Variants in GARIN2 observed in about 807,000 individuals in gnomAD.
The protein encoded by GARIN2 is Golgi-associated RAB2 interactor protein 2.
At chr14:67,193,048 AGATAT>A in the GARIN2 span, among the ~76,000 whole-genome samples, 1 of 145,502 alleles carries the variant, frequency 6.9e-6, no homozygotes, top group South Asian at 2.2e-4. Context: ...ATCTAGATAT[AGATAT>A]ATCTCTATAT....
chr14:67,225,171 C>T, the GARIN2 span: 1 of 1,581,244 alleles, frequency 6.3e-7, no homozygotes, highest in Non-Finnish European at 8.6e-7. Context: ...TGTGCCTCAT[C>T]TGTCTGCCCC....
the GARIN2 span, among the ~76,000 whole-genome samples, chr14:67,225,626 T>C: frequency 1.3e-5 from 2 of 152,144 alleles, no homozygotes; most frequent in Admixed American, 1.3e-4. Flanking sequence ...TTTTTTTTCA[T>C]AGCAAAATGA....
chr14:67,222,999 C>A, the GARIN2 span, among the ~76,000 whole-genome samples: 1 of 124,784 alleles, frequency 8.0e-6, no homozygotes, highest in East Asian at 2.3e-4. Context: ...TCCCATTGGG[C>A]TTTTTTTTTT....
the GARIN2 span, among the ~76,000 whole-genome samples, chr14:67,212,633 A>AT: frequency 6.9e-6 from 1 of 145,754 alleles, no homozygotes; most frequent in Non-Finnish European, 1.5e-5. Context: ...TATTATATAT[A>AT]ATATATATTA....
the GARIN2 span, among the ~76,000 whole-genome samples, chr14:67,201,950 T>C: frequency 6.6e-6 from 1 of 152,304 alleles, no homozygotes; most frequent in Non-Finnish European, 1.5e-5. Context: ...AGGGTTTTTA[T>C]ACATGCTGTT....
chr14:67,193,140 AT>A, the GARIN2 span, among the ~76,000 whole-genome samples: 1 of 143,702 alleles, frequency 7.0e-6, no homozygotes, highest in African/African-American at 2.5e-5. Flanking sequence ...CTATATAGAC[AT>A]CTATCTATAT....
the GARIN2 span, among the ~76,000 whole-genome samples, chr14:67,203,776 G>A: frequency 3.3e-5 from 5 of 152,188 alleles, no homozygotes; most frequent in African/African-American, 9.7e-5. Context: ...GCAATGGCAC[G>A]ATCTTGGCTC....
the GARIN2 span, among the ~76,000 whole-genome samples, chr14:67,195,376 C>T: frequency 6.6e-6 from 1 of 152,120 alleles, no homozygotes; most frequent in Non-Finnish European, 1.5e-5. Context: ...CCACTCTTTG[C>T]TCTCTGGAAG....
the GARIN2 span, chr14:67,221,675 C>T: frequency 2.0e-6 from 3 of 1,531,012 alleles, no homozygotes; most frequent in Non-Finnish European, 1.8e-6. Flanking sequence ...TTACTACCCA[C>T]AGAGCATTTA....
At chr14:67,222,422 G>A in the GARIN2 span, among the ~76,000 whole-genome samples, 1 of 152,122 alleles carries the variant, frequency 6.6e-6, no homozygotes, top group African/African-American at 2.4e-5. Context: ...CTCCTGAGTA[G>A]CTGGGATTAC....
the GARIN2 span, among the ~76,000 whole-genome samples, chr14:67,213,149 T>A: frequency 4.6e-5 from 7 of 150,988 alleles, no homozygotes; most frequent in Non-Finnish European, 8.8e-5. Context: ...AATTTTTTTT[T>A]AAATGTATTT....
the GARIN2 span, among the ~76,000 whole-genome samples, chr14:67,192,076 T>G: frequency 6.6e-6 from 1 of 152,132 alleles, no homozygotes; most frequent in African/African-American, 2.4e-5. Flanking sequence ...CAAATAAAAC[T>G]CCATTCTTTG....
chr14:67,226,888 G>A, the GARIN2 span, among the ~76,000 whole-genome samples: 1 of 152,220 alleles, frequency 6.6e-6, no homozygotes, highest in African/African-American at 2.4e-5. Flanking sequence ...GACAGCGATG[G>A]GTGGCATACA....
the GARIN2 span, chr14:67,200,280 C>G: frequency 9.1e-5 from 67 of 736,588 alleles, no homozygotes; most frequent in Non-Finnish European, 1.5e-4. Flanking sequence ...CACTCCCCAG[C>G]CACCAGTTGC....
chr14:67,206,616 G>A, the GARIN2 span, among the ~76,000 whole-genome samples: 2 of 152,148 alleles, frequency 1.3e-5, no homozygotes, highest in East Asian at 3.8e-4. Flanking sequence ...AAAAAGGTAG[G>A]AGACAGAACT....
chr14:67,210,013 C>G, the GARIN2 span, among the ~76,000 whole-genome samples: 1 of 152,042 alleles, frequency 6.6e-6, no homozygotes, highest in African/African-American at 2.4e-5. Context: ...AAGCAATTAC[C>G]AGTTAGCTTT....
chr14:67,226,824 T>C, the GARIN2 span, among the ~76,000 whole-genome samples: 2 of 152,228 alleles, frequency 1.3e-5, no homozygotes, highest in African/African-American at 4.8e-5. Flanking sequence ...TTGTGACTTC[T>C]TTCCCCCTTA....
chr14:67,202,242 AC>A, the GARIN2 span, among the ~76,000 whole-genome samples: 1 of 152,200 alleles, frequency 6.6e-6, no homozygotes, highest in African/African-American at 2.4e-5. Context: ...GGAGTTCGAG[AC>A]CAGCCCCACC....
At chr14:67,193,649 A>G in the GARIN2 span, among the ~76,000 whole-genome samples, 88 of 148,184 alleles carry the variant, frequency 5.9e-4, 1 homozygote, top group African/African-American at 2.1e-3. Flanking sequence ...ATAGATATAT[A>G]GAAATTAAGT....
Sources: allele counts gnomAD v4.1 joint callset (sites outside exome capture counted in the v4.1 genomes callset), GRCh38; gene constraint gnomAD v4.1.1; transcripts MANE v1.5; gene names NCBI Gene and HGNC (gene_info 2026-07-23, HGNC 2026-07-21).